CCDC30: variants seen among roughly 807,000 people sequenced by gnomAD.
CCDC30 encodes the protein coiled-coil domain containing 30.
Under a neutral mutation model 100.2 loss-of-function variants are expected in CCDC30, and 70 were observed. The observed-to-expected ratio is 0.70, with a 90% CI of 0.58 to 0.85. The LOEUF is 0.85. Ranked by LOEUF, CCDC30 falls within the 40% of genes least tolerant of loss-of-function variation. CCDC30 has a pLI of 0.00. For missense variants in CCDC30, 652 were observed against 771.2 expected (o/e 0.85, Z 1.83); for synonymous variants, 233 against 269.5 (o/e 0.86, Z 1.33).
At chr1:42,629,206 A>C (rs1478113076) in intron 11 of CCDC30, among the ~76,000 whole-genome samples, 2 of 152,198 alleles carry the variant, frequency 1.3e-5, no homozygotes, top group African/African-American at 4.8e-5. Flanking sequence ...TTCTTGTAGG[A>C]CAGAACCAGT....
intron 7 of CCDC30, among the ~76,000 whole-genome samples, chr1:42,575,080 T>A (rs1055892761): frequency 6.6e-6 from 1 of 152,316 alleles, no homozygotes; most frequent in South Asian, 2.1e-4. Context: ...TATAATCTGA[T>A]TGGTTAATAT....
Position 42,463,308 on chromosome 1 carries a change from A to G in CCDC30, c.-682A>G, listed in dbSNP as rs2275116. 2.0e-5 allele frequency: 3 copies of G among 152,078 alleles called. No homozygotes were observed. The highest frequency in any genetic ancestry group is 4.4e-5 in the Non-Finnish European group (3 of 68,010). 9.4% of individuals were successfully genotyped at this position (152,078 alleles called of 1,614,324 possible). A position where few individuals can be genotyped will look rare whatever the true frequency, so the allele number is the denominator to read the frequency against. On this transcript the variant is annotated 5_prime_UTR_variant, in exon 1 of 17. The change abolishes the stop of an existing upstream ORF in the 5' untranslated region. Transcript: ENST00000668663. ...GTTGCTATGACGCCCAGGTCTCCGTAGGCACCTGCAGCTAGCAGCTGAGCG... is the reference window on the plus strand; with the variant it reads ...GTTGCTATGACGCCCAGGTCTCCGTGGGCACCTGCAGCTAGCAGCTGAGCG...
intron 13 of CCDC30, among the ~76,000 whole-genome samples, chr1:42,642,871 T>A (rs1647575894): frequency 1.3e-5 from 2 of 152,218 alleles, no homozygotes; most frequent in African/African-American, 4.8e-5. Context: ...CTGTGTGCAT[T>A]CTGGCCTGTC....
At chr1:42,611,449 AT>A in intron 11 of CCDC30, among the ~76,000 whole-genome samples, 1 of 151,496 alleles carries the variant, frequency 6.6e-6, no homozygotes, top group Non-Finnish European at 1.5e-5. Flanking sequence ...TTTATTTTTT[AT>A]TTTAGAGAAC....
intron 12 of CCDC30, among the ~76,000 whole-genome samples, chr1:42,641,760 G>A (rs1280762544): frequency 4.0e-5 from 6 of 151,630 alleles, no homozygotes; most frequent in African/African-American, 9.7e-5. Flanking sequence ...CCAGCTACTC[G>A]GGAGGCTGAG....
At chr1:42,628,964 G>A (rs1281817150) in intron 11 of CCDC30, among the ~76,000 whole-genome samples, 1 of 151,958 alleles carries the variant, frequency 6.6e-6, no homozygotes, top group Non-Finnish European at 1.5e-5. Context: ...ACTTTTACTT[G>A]TTTCTGTTTA....
At chr1:42,550,254 C>T (rs1207722340) in intron 6 of CCDC30, among the ~76,000 whole-genome samples, 1 of 152,202 alleles carries the variant, frequency 6.6e-6, no homozygotes, top group African/African-American at 2.4e-5. Flanking sequence ...CTCCATAGCA[C>T]TGATATCACT....
chr1:42,646,207 CAGAA>C lies in CCDC30; in HGVS notation c.1750_1753del (p.Glu584TyrfsTer46). On this transcript the variant is annotated frameshift_variant, in exon 15 of 17. Coordinates refer to ENST00000668663, the Ensembl canonical transcript of CCDC30. LOFTEE classifies it high-confidence loss of function. The stretch of plus-strand genomic sequence containing the variant: ...GGCTTCTCTCCCTCCAACAAAGAAA[CAGAA>C]AGAAATATACAGCACTGAGGTCTTC... 1 of 1,583,294 alleles carries C rather than the reference CAGAA, an allele frequency of 6.3e-7. No individual in the cohort carries two copies. Among genetic ancestry groups the C allele is most frequent in the Non-Finnish European group, 8.6e-7 (1 of 1,162,846 alleles).
At chr1:42,556,202 G>C (rs1268495992) in intron 6 of CCDC30, 1 of 1,614,098 alleles carries the variant, frequency 6.2e-7, no homozygotes, top group Non-Finnish European at 8.5e-7. Context: ...AGAGGAGTCA[G>C]TAAAGGAGGG....
intron 7 of CCDC30, among the ~76,000 whole-genome samples, chr1:42,567,751 T>C (rs1645637136): frequency 6.6e-6 from 1 of 152,206 alleles, no homozygotes; most frequent in Admixed American, 6.5e-5. Flanking sequence ...TCGGGACATA[T>C]TCTAACAATA....
chr1:42,504,496 A>T (rs994937825), intron 6 of CCDC30, among the ~76,000 whole-genome samples: 1 of 152,216 alleles, frequency 6.6e-6, no homozygotes, highest in African/African-American at 2.4e-5. Context: ...ATGTCGATGC[A>T]TGGTTCTGTC....
intron 8 of CCDC30, among the ~76,000 whole-genome samples, chr1:42,578,542 A>T (rs1645891226): frequency 6.6e-6 from 1 of 152,216 alleles, no homozygotes; most frequent in African/African-American, 2.4e-5. Context: ...TCCATTAAAA[A>T]GTAATTGGTA....
At chr1:42,487,583 C>A (rs1644072787) in intron 3 of CCDC30, among the ~76,000 whole-genome samples, 1 of 152,054 alleles carries the variant, frequency 6.6e-6, no homozygotes, top group South Asian at 2.1e-4. Flanking sequence ...CATTTCCTGG[C>A]AAAAGAGATT....
Position 42,646,034 on chromosome 1 carries a change from T to A in CCDC30, c.1672-101T>A. On this transcript the variant is annotated intron_variant, in intron 14 of 16. Transcript: ENST00000668663. ...AGAATGGTCACATGGATCAGAACTATAGCACATCAAACTCAATATTCCGTA... is the reference window on the plus strand; with the variant it reads ...AGAATGGTCACATGGATCAGAACTAAAGCACATCAAACTCAATATTCCGTA... 3 of 1,437,038 alleles carry A rather than the reference T, an allele frequency of 2.1e-6. No homozygotes were observed. In the East Asian group the frequency reaches 7.1e-5, roughly 34 times the overall value. 89.0% of individuals were successfully genotyped at this position (1,437,038 alleles called of 1,614,324 possible).
intron 9 of CCDC30, 98 bp downstream of exon 13, chr1:42,581,612 T>G (rs944865468): frequency 8.9e-7 from 1 of 1,123,352 alleles, no homozygotes; most frequent in African/African-American, 1.6e-5. Context: ...AGAGTATTTC[T>G]GCTCTGTCCC....
chr1:42,506,035 C>A (rs998538315), intron 6 of CCDC30, among the ~76,000 whole-genome samples: 3 of 152,098 alleles, frequency 2.0e-5, no homozygotes, highest in African/African-American at 7.2e-5. Context: ...GTTAAGAATA[C>A]GTTTCCAAAT....
At chr1:42,471,893 T>TA (rs1553182456) in intron 1 of CCDC30, among the ~76,000 whole-genome samples, 2 of 152,014 alleles carry the variant, frequency 1.3e-5, no homozygotes, top group African/African-American at 4.8e-5. Context: ...GTTTTGCTTT[T>TA]AAAAAGCAAA....
At chr1:42,458,635 C>T (rs79526021), upstream of CCDC30, among the ~76,000 whole-genome samples, 6,134 of 152,274 alleles carry the variant, frequency 0.04, 150 homozygotes, top group Non-Finnish European at 0.058. Flanking sequence ...TATATGATCC[C>T]TATCACACTA....
At chr1:42,466,556 TG>T (rs1216239246) in intron 1 of CCDC30, among the ~76,000 whole-genome samples, 4 of 126,394 alleles carry the variant, frequency 3.2e-5, no homozygotes, top group South Asian at 2.9e-4. Context: ...TGTTTTGTTT[TG>T]TTTTTTTTTT....
Sources: gnomAD v4.1 joint callset for allele counts (sites outside exome capture counted in the v4.1 genomes callset) on GRCh38, gnomAD v4.1.1 for gene constraint, MANE v1.5 for transcripts, NCBI Gene and HGNC (gene_info 2026-07-23, HGNC 2026-07-21) for gene names.